Variants in DOCK1 observed in about 807,000 individuals in gnomAD.
The protein encoded by DOCK1 is dedicator of cytokinesis 1.
A neutral mutation model predicts 262.7 loss-of-function variants in DOCK1; 138 were observed. That is an observed-to-expected ratio of 0.53 (90% CI 0.46 to 0.61). The LOEUF is 0.61. Ranked by LOEUF, DOCK1 falls within the 20% of genes least tolerant of loss-of-function variation. The pLI, the probability that DOCK1 is intolerant of heterozygous loss-of-function variation, is 0.00. For missense variants in DOCK1, 1,908 were observed against 2,370.7 expected (o/e 0.80, Z 4.05); for synonymous variants, 866 against 867.4 (o/e 1.00, Z 0.03).
intron 27 of DOCK1, among the ~76,000 whole-genome samples, chr10:127,236,734 G>C (rs2059079733): frequency 6.6e-6 from 1 of 151,630 alleles, no homozygotes; most frequent in Non-Finnish European, 1.5e-5. Flanking sequence ...ACAATTTTGT[G>C]ACTTTAAAAT....
At chr10:127,248,372 C>T (rs1488667456) in intron 28 of DOCK1, among the ~76,000 whole-genome samples, 2 of 152,150 alleles carry the variant, frequency 1.3e-5, no homozygotes, top group African/African-American at 4.8e-5. Context: ...TTCTTGGTGA[C>T]AGTTTCTTCT....
chr10:127,384,173 G>A (rs922728684), intron 37 of DOCK1, among the ~76,000 whole-genome samples: 8 of 152,200 alleles, frequency 5.3e-5, no homozygotes, highest in Admixed American at 4.6e-4. Context: ...TTCAGGAGCT[G>A]ACACGTTGTA....
rs1232247521 is a variant in DOCK1, at chr10:127,176,589, C to T, written c.2847+48825C>T. Among the ~76,000 whole-genome samples, 1 of 152,216 alleles carries T rather than the reference C, an allele frequency of 6.6e-6. No individual in the cohort carries two copies. Among genetic ancestry groups the T allele is most frequent in the Non-Finnish European group, 1.5e-5 (1 of 68,042 alleles). On this transcript the variant is annotated intron_variant, in intron 27 of 51. Coordinates refer to ENST00000623213, the MANE Select transcript of DOCK1 (RefSeq NM_001290223.2). This position sits in a 1 kb window ranked among gnomAD's most constrained non-coding sequence, Gnocchi z 4.4. ...GCTGGCAGCACAGCTTGAAATGCTT[C>T]TCAGATATTAAAGCCTGCTTGCTTT...
chr10:127,030,426 A>G (rs1303735768), intron 16 of DOCK1, among the ~76,000 whole-genome samples: 1 of 152,086 alleles, frequency 6.6e-6, no homozygotes, highest in Non-Finnish European at 1.5e-5. Context: ...GATGTGCCAC[A>G]CTGGTCCTCG....
Position 127,410,908 on chromosome 10 carries a change from C to T in DOCK1, c.4412C>T (p.Pro1471Leu), listed in dbSNP as rs370398125. 5 of 1,613,554 alleles carry T rather than the reference C, an allele frequency of 3.1e-6. No individual in the cohort carries two copies. The highest frequency in any genetic ancestry group is 4.2e-6 in the Non-Finnish European group (5 of 1,179,782). Residue 1471 changes from proline to leucine, a missense_variant, in exon 43 of 52, where the codon CCA (proline) becomes CTA (leucine). Coordinates refer to ENST00000623213, the MANE Select transcript of DOCK1 (RefSeq NM_001290223.2). ...SRPIRKGEKN[P>L]DNEFANMWIE... The stretch of plus-strand genomic sequence containing the variant: ...CCAATCCGGAAGGGAGAGAAAAACC[C>T]AGACAATGAATTTGCGGTAAAAAAC...
chr10:127,375,401 C>T (rs1253914863), intron 35 of DOCK1, among the ~76,000 whole-genome samples: 1 of 152,242 alleles, frequency 6.6e-6, no homozygotes, highest in Admixed American at 6.5e-5. Flanking sequence ...CTTCTCTGCC[C>T]AGCCACTGGC....
At chr10:127,216,421 G>T (rs1350502340) in intron 27 of DOCK1, among the ~76,000 whole-genome samples, 4 of 152,086 alleles carry the variant, frequency 2.6e-5, no homozygotes, top group African/African-American at 9.7e-5. Context: ...TGGAAGCATT[G>T]CCAGCTATTG....
chr10:127,211,847 C>A (rs1286731784), intron 27 of DOCK1, among the ~76,000 whole-genome samples: 3 of 152,184 alleles, frequency 2.0e-5, no homozygotes, highest in Non-Finnish European at 4.4e-5. Context: ...CCTGCCTTTC[C>A]CCGCTGCTGG....
chr10:127,372,548 T>C (rs2065263019), intron 33 of DOCK1, among the ~76,000 whole-genome samples: 1 of 152,226 alleles, frequency 6.6e-6, no homozygotes, highest in Non-Finnish European at 1.5e-5. Flanking sequence ...CAGTAGTTTA[T>C]GTGCACACAG....
At chr10:126,993,931 A>G (rs192619022) in intron 6 of DOCK1, among the ~76,000 whole-genome samples, 42 of 152,366 alleles carry the variant, frequency 2.8e-4, no homozygotes, top group African/African-American at 9.1e-4. Flanking sequence ...GTAGTTTTTT[A>G]GATGGAACAT....
chr10:127,360,219 C>T (rs577332360), intron 32 of DOCK1, among the ~76,000 whole-genome samples: 1 of 152,192 alleles, frequency 6.6e-6, no homozygotes, highest in Non-Finnish European at 1.5e-5. Context: ...GGTTTCCTCC[C>T]TCTCCCATCT....
At chr10:127,394,068 C>G (rs1021487957) in intron 38 of DOCK1, among the ~76,000 whole-genome samples, 1 of 151,952 alleles carries the variant, frequency 6.6e-6, no homozygotes, top group Non-Finnish European at 1.5e-5. Flanking sequence ...AGCCCTTAAT[C>G]CAAGTACTTG....
intron 32 of DOCK1, 134 bp from the exon 33 acceptor site, chr10:127,361,930 C>A (rs1334451504): frequency 9.8e-7 from 1 of 1,022,664 alleles, no homozygotes; most frequent in Non-Finnish European, 1.4e-6. Context: ...TCTGCAGACG[C>A]GAAATGGATG....
intron 7 of DOCK1, 29 bp from the exon 8 acceptor site, chr10:126,998,063 G>T: frequency 6.2e-7 from 1 of 1,612,754 alleles, no homozygotes. Context: ...TGTTGCTGGG[G>T]TTGACTTTCT....
chr10:127,316,327 G>A (rs1726861058), intron 29 of DOCK1, among the ~76,000 whole-genome samples: 1 of 151,938 alleles, frequency 6.6e-6, no homozygotes, highest in Non-Finnish European at 1.5e-5. Context: ...CACTCACCCC[G>A]CCTTTATTTA....
chr10:126,978,923 G>A (rs2038746392), intron 3 of DOCK1, among the ~76,000 whole-genome samples: 1 of 152,120 alleles, frequency 6.6e-6, no homozygotes, highest in Admixed American at 6.5e-5. Flanking sequence ...AGGTCAGAAT[G>A]GGTCATCCTC....
At chr10:127,423,919 C>T (rs1337890201) in intron 46 of DOCK1, among the ~76,000 whole-genome samples, 21 of 152,250 alleles carry the variant, frequency 1.4e-4, no homozygotes, top group Non-Finnish European at 1.2e-4. Context: ...TCTCTGGGCT[C>T]TGAGAAACTC....
intron 29 of DOCK1, among the ~76,000 whole-genome samples, chr10:127,298,413 T>G (rs781489411): frequency 6.6e-6 from 1 of 152,206 alleles, no homozygotes; most frequent in Non-Finnish European, 1.5e-5. Context: ...TGAAATGAAA[T>G]CTTTTTGTTA....
At chr10:126,918,367 G>A (rs1430554685) in intron 1 of DOCK1, among the ~76,000 whole-genome samples, 14 of 152,248 alleles carry the variant, frequency 9.2e-5, no homozygotes, top group Admixed American at 2.6e-4. Context: ...GGTGCGTGGC[G>A]GTAGCCGCCT....
Sources: allele counts gnomAD v4.1 joint callset (sites outside exome capture counted in the v4.1 genomes callset), GRCh38; gene constraint gnomAD v4.1.1; non-coding constraint Gnocchi (gnomAD v3.1); transcripts MANE v1.5; gene names NCBI Gene and HGNC (gene_info 2026-07-23, HGNC 2026-07-21).